The following AK3 variants were observed in gnomAD, a reference collection of about 807,000 sequenced individuals.
AK3 encodes adenylate kinase 3, also known as GTP:AMP phosphotransferase AK3, mitochondrial.
AK3 carries 27 observed loss-of-function variants against 23.7 expected under a neutral mutation model. That is an observed-to-expected ratio of 1.14 (90% CI 0.84 to 1.57). The LOEUF (loss-of-function observed/expected upper bound fraction) is 1.57. AK3 is among the 40% of genes most tolerant of loss of function. The probability of loss-of-function intolerance (pLI) is 0.00; values close to 1 mark genes in which losing one functional copy is unlikely to be tolerated. For synonymous variants in AK3, 159 were observed against 116.0 expected (o/e 1.37, Z -2.38); for missense variants, 406 against 285.6 (o/e 1.42, Z -3.04).
chr9:4,712,313 T>C lies in AK3; in HGVS notation c.*663A>G, dbSNP rs1477160799. ...CACAGGTATTTTCAAAGGAAACAAG[T>C]CATCTTAAAGTAATATTTTTCTATA... On this transcript the variant is annotated 3_prime_UTR_variant, in exon 5 of 5. Transcript: ENST00000381809. The C allele has an allele frequency of 6.6e-6, 1 of 152,190 alleles. No individual in the cohort carries two copies. Among genetic ancestry groups the C allele is most frequent in the African/African-American group, 2.4e-5 (1 of 41,438 alleles). The allele number at this position is 152,190 out of a possible 1,614,324, so 9.4% of individuals were successfully genotyped here.
rs1179743081 is a variant in AK3 at position 4,712,852 on chromosome 9, G to C, written c.*124C>G. On this transcript the variant is annotated 3_prime_UTR_variant, in exon 5 of 5. Transcript: ENST00000381809. ...CTTAGTATCCAAAATAAAATCAGTA[G>C]AAATAAAAGTAATATAATTTTCAAA... 7.2e-6 allele frequency: 8 copies of C among 1,112,580 alleles called. No homozygotes were observed. The highest frequency in any genetic ancestry group is 1.0e-5 in the Non-Finnish European group (8 of 803,998). 68.9% of individuals were successfully genotyped at this position (1,112,580 alleles called of 1,614,324 possible). A position where few individuals can be genotyped will look rare whatever the true frequency, so the allele number is the denominator to read the frequency against.
intron 1 of AK3, among the ~76,000 whole-genome samples, chr9:4,735,468 A>G (rs146522835): frequency 0.095 from 3,866 of 40,744 alleles, 537 homozygotes; most frequent in Admixed American, 0.12. Flanking sequence ...GTATATGTGT[A>G]TATATATATA....
chr9:4,739,425 G>A (rs981727155), intron 1 of AK3, among the ~76,000 whole-genome samples: 1 of 150,674 alleles, frequency 6.6e-6, no homozygotes, highest in Non-Finnish European at 1.5e-5. Context: ...AACTGCTAAG[G>A]TCAAGTGATC....
chr9:4,727,566 G>C (rs540011084), intron 1 of AK3, among the ~76,000 whole-genome samples: 1 of 152,294 alleles, frequency 6.6e-6, no homozygotes, highest in Non-Finnish European at 1.5e-5. Context: ...TCTGGACTGG[G>C]CTTTGGCTTA....
chr9:4,730,721 G>C (rs1842133394), intron 1 of AK3, among the ~76,000 whole-genome samples: 1 of 152,084 alleles, frequency 6.6e-6, no homozygotes. Flanking sequence ...TTTTATGTTT[G>C]TATGATTTAA....
At chr9:4,735,005 G>A (rs1217945726) in intron 1 of AK3, among the ~76,000 whole-genome samples, 2 of 152,054 alleles carry the variant, frequency 1.3e-5, no homozygotes, top group South Asian at 4.1e-4. Flanking sequence ...GTGGAGGGGT[G>A]TGGGGTAGGA....
At chr9:4,740,803 G>A (rs1368009878) in intron 1 of AK3, 134 bp downstream of exon 1, 2 of 1,156,840 alleles carry the variant, frequency 1.7e-6, no homozygotes, top group Non-Finnish European at 2.3e-6. Context: ...AGCAGCCCGA[G>A]GTCTCTGTCC....
At chr9:4,720,462 C>A (rs2130882941) in intron 2 of AK3, among the ~76,000 whole-genome samples, 1 of 152,150 alleles carries the variant, frequency 6.6e-6, no homozygotes, top group South Asian at 2.1e-4. Context: ...GGCGGGAGGA[C>A]TGCTTGAGCC....
At chr9:4,716,085 C>T (rs1841718496) in intron 4 of AK3, among the ~76,000 whole-genome samples, 1 of 152,210 alleles carries the variant, frequency 6.6e-6, no homozygotes, top group Non-Finnish European at 1.5e-5. Context: ...AGCGGAGTGA[C>T]TGACGCCTGA....
At chr9:4,729,009 A>AT in intron 1 of AK3, among the ~76,000 whole-genome samples, 1 of 107,852 alleles carries the variant, frequency 9.3e-6, no homozygotes, top group South Asian at 3.8e-4. Flanking sequence ...ATATATATAT[A>AT]TATATATTTT....
chr9:4,736,548 A>C (rs147512040), intron 1 of AK3, among the ~76,000 whole-genome samples: 1 of 152,060 alleles, frequency 6.6e-6, no homozygotes, highest in Non-Finnish European at 1.5e-5. Context: ...ACAGGTGTAC[A>C]TAATAATGTT....
chr9:4,714,157 TACAC>T (rs1479769063), intron 4 of AK3, among the ~76,000 whole-genome samples: 2 of 141,508 alleles, frequency 1.4e-5, no homozygotes, highest in African/African-American at 3.0e-5. Context: ...CACCTCCACA[TACAC>T]ACACCTCCAC....
In AK3 at chr9:4,710,135, A is replaced by AC. The variant is rs916600975; in HGVS notation, c.*2840_*2841insG. The AC allele has an allele frequency of 2.6e-5, 4 of 152,178 alleles. No homozygotes were observed. Among genetic ancestry groups the AC allele is most frequent in the Non-Finnish European group, 5.9e-5 (4 of 68,040 alleles). The allele number at this position is 152,178 out of a possible 1,614,324, so 9.4% of individuals were successfully genotyped here. On this transcript the variant is annotated 3_prime_UTR_variant, in exon 5 of 5. Coordinates refer to ENST00000381809, the MANE Select transcript of AK3 (RefSeq NM_016282.4). ...ACAACTGCTAGTTTGCATTTCCCACAGTACACGCTGCTTACAAAAGGTATA... is the reference window on the plus strand; with the variant it reads ...ACAACTGCTAGTTTGCATTTCCCACACGTACACGCTGCTTACAAAAGGTATA...
intron 1 of AK3, among the ~76,000 whole-genome samples, 182 bp downstream of exon 1, chr9:4,740,755 G>T (rs1350433478): frequency 6.6e-6 from 1 of 152,172 alleles, no homozygotes; most frequent in Non-Finnish European, 1.5e-5. Context: ...CGCCCGAAGC[G>T]GCCCACGGAG....
chr9:4,721,463 TTC>T (rs1185566186), intron 2 of AK3, among the ~76,000 whole-genome samples: 2 of 150,602 alleles, frequency 1.3e-5, no homozygotes, highest in Non-Finnish European at 2.9e-5. Flanking sequence ...TCACATCAAC[TTC>T]TTTTTTTTTT....
At chr9:4,732,592 G>A (rs962192695) in intron 1 of AK3, among the ~76,000 whole-genome samples, 1 of 152,094 alleles carries the variant, frequency 6.6e-6, no homozygotes, top group Non-Finnish European at 1.5e-5. Flanking sequence ...ATACACAAAA[G>A]TAGGAAAAGA....
At chr9:4,730,480 G>A (rs907842209) in intron 1 of AK3, among the ~76,000 whole-genome samples, 47 of 152,308 alleles carry the variant, frequency 3.1e-4, no homozygotes, top group African/African-American at 1.1e-3. Context: ...TTCATTGCCT[G>A]TGGTCCCAGC....
rs560066613 is a variant in AK3, at chr9:4,709,911, A to C, written c.*3065T>G. 2.0e-5 allele frequency: 3 copies of C among 152,044 alleles called. No homozygotes were observed. Among genetic ancestry groups the C allele is most frequent in the Admixed American group, 2.0e-4 (3 of 15,276 alleles). 9.4% of individuals were successfully genotyped at this position (152,044 alleles called of 1,614,324 possible). On this transcript the variant is annotated 3_prime_UTR_variant, in exon 5 of 5. Coordinates refer to ENST00000381809, the MANE Select transcript of AK3 (RefSeq NM_016282.4). ...TTGGTTGCAACTATAGCAATTTAACATAATTTGAGATCTATAATTACAATG... is the reference window on the plus strand; with the variant it reads ...TTGGTTGCAACTATAGCAATTTAACCTAATTTGAGATCTATAATTACAATG...
intron 1 of AK3, among the ~76,000 whole-genome samples, chr9:4,726,088 T>C (rs574639894): frequency 3.3e-5 from 5 of 152,300 alleles, no homozygotes; most frequent in East Asian, 3.9e-4. Flanking sequence ...CCTACCTTAA[T>C]TTAAAATAGT....
Sources: allele counts gnomAD v4.1 joint callset (sites outside exome capture counted in the v4.1 genomes callset), GRCh38; gene constraint gnomAD v4.1.1; transcripts MANE v1.5; gene names NCBI Gene and HGNC (gene_info 2026-07-23, HGNC 2026-07-21).